The following CPNE8 variants were observed in gnomAD, a reference collection of about 807,000 sequenced individuals.
The protein encoded by CPNE8 is copine-8.
CPNE8 carries 45 observed loss-of-function variants against 81.5 expected under a neutral mutation model. That is an observed-to-expected ratio of 0.55 (90% CI 0.44 to 0.71). CPNE8 has a LOEUF of 0.71. Among genes scored for constraint, CPNE8 ranks in the 30% least tolerant of loss-of-function variants. The pLI is 0.00. For missense variants in CPNE8, 594 were observed against 672.1 expected, an observed-to-expected ratio of 0.88 and a Z score of 1.28; for synonymous variants, 252 against 226.3, an observed-to-expected ratio of 1.11 and a Z score of -1.02.
intron 5 of CPNE8, among the ~76,000 whole-genome samples, chr12:38,835,887 T>A (rs1165952264): frequency 1.3e-5 from 2 of 152,140 alleles, no homozygotes; most frequent in African/African-American, 4.8e-5. Flanking sequence ...AAAAGTTTAG[T>A]GGTGCCTTCC....
chr12:38,809,996 T>C (rs1942900125), intron 6 of CPNE8, among the ~76,000 whole-genome samples: 2 of 152,184 alleles, frequency 1.3e-5, no homozygotes, highest in African/African-American at 4.8e-5. Context: ...CTATGAGCTT[T>C]TTCATGGTTC....
intron 1 of CPNE8, among the ~76,000 whole-genome samples, chr12:38,903,280 GC>G: frequency 6.6e-6 from 1 of 152,264 alleles, no homozygotes; most frequent in South Asian, 2.1e-4. Context: ...AAGCACTAGT[GC>G]CCCTGGCAGA....
intron 6 of CPNE8, among the ~76,000 whole-genome samples, chr12:38,795,879 A>AGATAGATAGATAGATG (rs1267799592): frequency 6.6e-6 from 1 of 151,842 alleles, no homozygotes; most frequent in Non-Finnish European, 1.5e-5. Context: ...ATAGATAGAT[A>AGATAGATAGATAGATG]GATAGATAGA....
intron 4 of CPNE8, among the ~76,000 whole-genome samples, chr12:38,847,608 T>TTTA (rs1388749469): frequency 1.3e-5 from 2 of 152,134 alleles, no homozygotes. Context: ...ATACTCAACA[T>TTTA]TCCTGAAGAA....
intron 1 of CPNE8, among the ~76,000 whole-genome samples, chr12:38,884,836 A>G (rs1944216206): frequency 6.6e-6 from 1 of 152,162 alleles, no homozygotes; most frequent in Admixed American, 6.5e-5. Context: ...GATAAAGGGT[A>G]AAGACAGTCT....
rs147818282 is a variant in CPNE8 at position 38,788,762 on chromosome 12, T to A, written c.408-12461A>T. On this transcript the variant is annotated intron_variant, in intron 6 of 19. Coordinates refer to ENST00000331366, the MANE Select transcript of CPNE8 (RefSeq NM_153634.3). ...CTATTAGAATTGATAATTCAGTAAA[T>A]TGAAGGATATAAAATCAACGTAAAA... 9.4e-3 allele frequency among the ~76,000 whole-genome samples: 1,424 copies of A among 151,810 alleles called. 20 individuals are homozygous for A. The highest frequency in any genetic ancestry group is 0.04 in the South Asian group (195 of 4,820).
At chr12:38,770,088 T>C (rs1436277794) in intron 7 of CPNE8, among the ~76,000 whole-genome samples, 2 of 152,228 alleles carry the variant, frequency 1.3e-5, no homozygotes, top group Non-Finnish European at 2.9e-5. Context: ...ATGCTTAATG[T>C]CACCTAATAC....
intron 2 of CPNE8, among the ~76,000 whole-genome samples, chr12:38,874,052 G>A (rs1010184731): frequency 1.3e-5 from 2 of 149,196 alleles, no homozygotes; most frequent in Admixed American, 1.3e-4. Flanking sequence ...GTCCTGCTTC[G>A]GCCTCCCAAA....
rs1255033196 is a variant in CPNE8, at chr12:38,905,385, A to G, written c.98+52T>C. The stretch of plus-strand genomic sequence containing the variant: ...GTACCCCGAGCGCTCTCCAAGTGCT[A>G]CCAACCCCACAGATGAGAGGGCAGG... On this transcript the variant is annotated intron_variant, in intron 1 of 19. Coordinates refer to ENST00000331366, the MANE Select transcript of CPNE8 (RefSeq NM_153634.3). 213 of 1,537,034 alleles carry G rather than the reference A, an allele frequency of 1.4e-4. 6 individuals carry two copies. In the South Asian group the frequency reaches 2.5e-3, roughly 18 times the overall value.
chr12:38,785,420 C>T (rs1392554011), intron 6 of CPNE8, among the ~76,000 whole-genome samples: 1 of 151,480 alleles, frequency 6.6e-6, no homozygotes, highest in Non-Finnish European at 1.5e-5. Flanking sequence ...TGAATTATAG[C>T]TCCCATAATT....
chr12:38,702,392 A>T (rs1169688846), intron 14 of CPNE8, among the ~76,000 whole-genome samples: 5 of 152,164 alleles, frequency 3.3e-5, no homozygotes, highest in African/African-American at 1.2e-4. Context: ...AACATAAGTA[A>T]TTATTAAAAA....
Position 38,811,423 on chromosome 12 carries a change from C to A in CPNE8, c.407+17956G>T, listed in dbSNP as rs74643566. On this transcript the variant is annotated intron_variant, in intron 6 of 19. Transcript: ENST00000331366. ...AAAAAATGAATAAACTAGGGCTTCA[C>A]ATATTACATGGATGGTTCTCACAAA... Among the ~76,000 whole-genome samples, 1,025 of 152,220 alleles carry A rather than the reference C, an allele frequency of 6.7e-3. 18 individuals carry two copies. Among genetic ancestry groups the A allele is most frequent in the African/African-American group, 0.023 (950 of 41,542 alleles).
chr12:38,795,724 A>C (rs3887436), intron 6 of CPNE8, among the ~76,000 whole-genome samples: 49,857 of 152,052 alleles, frequency 0.33, 9,842 homozygotes, highest in Non-Finnish European at 0.44. Flanking sequence ...GGGAAGAGGA[A>C]AAGGAGTGTT....
At chr12:38,905,859 G>A (rs1462016436), upstream of CPNE8, 6 of 985,250 alleles carry the variant, frequency 6.1e-6, no homozygotes, top group East Asian at 5.7e-4. Flanking sequence ...GGTCAGGCTT[G>A]GTGGACCCAG....
intron 3 of CPNE8, among the ~76,000 whole-genome samples, chr12:38,867,262 G>A (rs1386831990): frequency 6.6e-6 from 1 of 151,754 alleles, no homozygotes; most frequent in Non-Finnish European, 1.5e-5. Context: ...ACATGTAAGA[G>A]AGTAAGTTTA....
intron 13 of CPNE8, among the ~76,000 whole-genome samples, chr12:38,703,821 T>C (rs139368249): frequency 0.013 from 1,966 of 152,070 alleles, 29 homozygotes; most frequent in South Asian, 0.042. Context: ...GAGGGCCAAA[T>C]GAAGAATGCA....
chr12:38,892,322 G>A (rs577575980), intron 1 of CPNE8, among the ~76,000 whole-genome samples: 2 of 152,268 alleles, frequency 1.3e-5, no homozygotes, highest in South Asian at 4.1e-4. Flanking sequence ...TAAACAAAGG[G>A]GACACGCTGA....
chr12:38,711,712 ACCCGC>A, intron 13 of CPNE8, among the ~76,000 whole-genome samples: 1 of 151,656 alleles, frequency 6.6e-6, no homozygotes, highest in African/African-American at 2.4e-5. Flanking sequence ...CAGGTGATCC[ACCCGC>A]CTCGGCCTCC....
intron 4 of CPNE8, among the ~76,000 whole-genome samples, chr12:38,847,327 G>T (rs1427495744): frequency 1.3e-5 from 2 of 152,240 alleles, no homozygotes; most frequent in East Asian, 3.9e-4. Context: ...AAAATTAAGA[G>T]TCCCATGCTG....
Sources: gnomAD v4.1 joint callset for allele counts (sites outside exome capture counted in the v4.1 genomes callset) on GRCh38, gnomAD v4.1.1 for gene constraint, MANE v1.5 for transcripts, NCBI Gene and HGNC (gene_info 2026-07-23, HGNC 2026-07-21) for gene names.